The following RASA2 variants were observed in gnomAD, a reference collection of about 807,000 sequenced individuals.
RASA2 encodes RAS p21 protein activator 2, also known as ras GTPase-activating protein 2.
Under a neutral mutation model 118.2 loss-of-function variants are expected in RASA2, and 155 were observed. That is an observed-to-expected ratio of 1.31 (90% CI 1.15 to 1.50). The LOEUF is 1.50. Among genes scored for constraint, RASA2 ranks in the 40% most tolerant of loss-of-function variants. RASA2 has a pLI of 0.00. For missense variants in RASA2, 1,016 were observed against 1,009.6 expected (o/e 1.01, Z -0.09); for synonymous variants, 353 against 349.1 (o/e 1.01, Z -0.12).
chr3:141,539,915 A>G (rs748060012), intron 4 of RASA2, among the ~76,000 whole-genome samples: 3 of 152,064 alleles, frequency 2.0e-5, no homozygotes, highest in African/African-American at 7.2e-5. Flanking sequence ...ACTCTTGGCC[A>G]TATGTTATCT....
intron 1 of RASA2, among the ~76,000 whole-genome samples, chr3:141,500,128 A>G (rs2081757743): frequency 6.6e-6 from 1 of 152,204 alleles, no homozygotes; most frequent in South Asian, 2.1e-4. Flanking sequence ...GTAACTTTCC[A>G]GTGGTGTTTT....
intron 4 of RASA2, among the ~76,000 whole-genome samples, chr3:141,531,555 G>A (rs2082261146): frequency 6.6e-6 from 1 of 151,520 alleles, no homozygotes; most frequent in Non-Finnish European, 1.5e-5. Flanking sequence ...ATGCATATAT[G>A]CATGTATATA....
At chr3:141,574,847 T>TA (rs2082985361) in intron 14 of RASA2, among the ~76,000 whole-genome samples, 2 of 152,234 alleles carry the variant, frequency 1.3e-5, no homozygotes, top group South Asian at 2.1e-4. Context: ...GAGAGGTTTT[T>TA]ACAGAAATGG....
At chr3:141,606,631 A>G (rs1036262525) in intron 19 of RASA2, among the ~76,000 whole-genome samples, 3 of 152,116 alleles carry the variant, frequency 2.0e-5, no homozygotes, top group South Asian at 2.1e-4. Context: ...TAAAAACATT[A>G]TATGTCACAT....
chr3:141,491,578 T>G (rs2312194), intron 1 of RASA2, among the ~76,000 whole-genome samples: 38,356 of 152,032 alleles, frequency 0.25, 5,451 homozygotes, highest in Non-Finnish European at 0.32. Context: ...GATATGAAAG[T>G]ATTTTATAAA....
intron 18 of RASA2, 62 bp from the exon 19 acceptor site, chr3:141,586,581 ACTT>A: frequency 9.4e-7 from 1 of 1,062,942 alleles, no homozygotes; most frequent in Non-Finnish European, 1.4e-6. Context: ...GTTAAAGGAT[ACTT>A]CTTTGTTTTG....
At chr3:141,607,532 A>G in intron 19 of RASA2, 146 bp from the exon 20 acceptor site, 1 of 742,836 alleles carries the variant, frequency 1.3e-6, no homozygotes, top group Non-Finnish European at 1.9e-6. Context: ...ACAAATATTT[A>G]TATATATGCC....
chr3:141,610,196 A>G (rs1456798776), intron 23 of RASA2, 130 bp downstream of exon 23: 6 of 688,602 alleles, frequency 8.7e-6, no homozygotes. Context: ...CTCTGGTGCA[A>G]GTTTCCCTGG....
chr3:141,517,042 TTA>T (rs2082038013), intron 3 of RASA2, among the ~76,000 whole-genome samples: 1 of 151,866 alleles, frequency 6.6e-6, no homozygotes, highest in African/African-American at 2.4e-5. Flanking sequence ...AGTGTTAGGA[TTA>T]CAGGCATGAG....
At chr3:141,594,017 G>A (rs940605479) in intron 19 of RASA2, among the ~76,000 whole-genome samples, 4 of 152,156 alleles carry the variant, frequency 2.6e-5, no homozygotes, top group African/African-American at 9.7e-5. Context: ...AGACGTGAAC[G>A]TTAAAGCCTC....
chr3:141,609,800 A>G, intron 22 of RASA2, 77 bp from the exon 23 acceptor site: 1 of 1,346,066 alleles, frequency 7.4e-7, no homozygotes, highest in Non-Finnish European at 9.9e-7. Context: ...ACACTTGAAA[A>G]ATTCTTATTT....
intron 3 of RASA2, among the ~76,000 whole-genome samples, chr3:141,517,231 A>T (rs1410276770): frequency 6.6e-6 from 1 of 152,206 alleles, no homozygotes; most frequent in Non-Finnish European, 1.5e-5. Flanking sequence ...AATTCACTTT[A>T]ATCTATTTAT....
rs1393411339 is a variant in RASA2, at chr3:141,487,034, C to T, written c.-50C>T. Reference sequence around the variant, plus strand: ...GGCCTAGGCCGCTGCTGGGCTCCGCCTCGCCCGGCTACGCAGGCGGCAGGG... The same window carrying T: ...GGCCTAGGCCGCTGCTGGGCTCCGCTTCGCCCGGCTACGCAGGCGGCAGGG... On this transcript the variant is annotated 5_prime_UTR_variant, in exon 1 of 24. Coordinates refer to ENST00000286364, the MANE Select transcript of RASA2 (RefSeq NM_006506.5). 4.3e-6 allele frequency: 5 copies of T among 1,154,734 alleles called. No individual in the cohort carries two copies. In the East Asian group the frequency reaches 2.3e-4, roughly 53 times the overall value. 71.5% of individuals were successfully genotyped at this position (1,154,734 alleles called of 1,614,324 possible). A position where few individuals can be genotyped will look rare whatever the true frequency, so the allele number is the denominator to read the frequency against.
Position 141,512,206 on chromosome 3 carries a change from G to T in RASA2, c.177G>T (p.Met59Ile), listed in dbSNP as rs1192591502. ...NLLPYLGPHK[M>I]RDCFCTINLD... is the part of the protein sequence containing the mutation. ...TGCCATATCTTGGACCCCACAAAAT[G>T]AGAGATTGTTTCTGTACCATAAATT... Residue 59 changes from methionine (M) to isoleucine (I), a missense_variant, in exon 2 of 24, where the codon ATG becomes ATT. Physicochemically the swap from Met to Ile is conservative, Grantham distance 10. Coordinates refer to ENST00000286364, the MANE Select transcript of RASA2 (RefSeq NM_006506.5). 1 of 1,605,874 alleles carries T rather than the reference G, an allele frequency of 6.2e-7. No homozygotes were observed. The highest frequency in any genetic ancestry group is 1.7e-5 in the Admixed American group (1 of 57,960).
intron 17 of RASA2, among the ~76,000 whole-genome samples, chr3:141,585,780 A>G (rs1014593135): frequency 3.9e-5 from 6 of 152,208 alleles, no homozygotes; most frequent in Non-Finnish European, 7.3e-5. Context: ...AGCCTGGGCA[A>G]CAGAGTGAGC....
rs1165340136 is a variant in RASA2 at position 141,613,092 on chromosome 3, C to T, written c.*779C>T. 1 of 152,178 alleles carries T rather than the reference C, an allele frequency of 6.6e-6. No homozygotes were observed. The highest frequency in any genetic ancestry group is 2.4e-5 in the African/African-American group (1 of 41,436). 9.4% of individuals were successfully genotyped at this position (152,178 alleles called of 1,614,324 possible). A position where few individuals can be genotyped will look rare whatever the true frequency, so the allele number is the denominator to read the frequency against. On this transcript the variant is annotated 3_prime_UTR_variant, in exon 24 of 24. Transcript: ENST00000286364. ...AGTTTAACATGACTTCTAAGGACAT[C>T]TCTTCAAAAAGAAAGTAAACAGGGA...
At chr3:141,522,761 C>T (rs2082130157) in intron 3 of RASA2, among the ~76,000 whole-genome samples, 1 of 152,180 alleles carries the variant, frequency 6.6e-6, no homozygotes, top group Non-Finnish European at 1.5e-5. Context: ...ACTTCACGCT[C>T]AAGAAATTCC....
chr3:141,532,695 G>A (rs897123936), intron 4 of RASA2, among the ~76,000 whole-genome samples: 1 of 152,036 alleles, frequency 6.6e-6, no homozygotes, highest in Non-Finnish European at 1.5e-5. Context: ...GTTGACTACC[G>A]CATAAAATAA....
intron 11 of RASA2, among the ~76,000 whole-genome samples, chr3:141,572,061 TAC>T (rs374643522): frequency 8.4e-4 from 83 of 98,238 alleles, no homozygotes; most frequent in African/African-American, 3.8e-3. Context: ...TATATATATA[TAC>T]ACACACACAC....
Sources: gnomAD v4.1 joint callset for allele counts (sites outside exome capture counted in the v4.1 genomes callset) on GRCh38, gnomAD v4.1.1 for gene constraint, MANE v1.5 for transcripts, NCBI Gene and HGNC (gene_info 2026-07-23, HGNC 2026-07-21) for gene names.